The following GRAP2 variants were observed in gnomAD, a reference collection of about 807,000 sequenced individuals.
GRAP2 encodes GRB2-related adapter protein 2.
Under a neutral mutation model 43.5 loss-of-function variants are expected in GRAP2, and 31 were observed. That is an observed-to-expected ratio of 0.71 (90% CI 0.54 to 0.96). The LOEUF is 0.96. Ranked by LOEUF, GRAP2 falls within the 40% of genes least tolerant of loss-of-function variation. The probability of loss-of-function intolerance (pLI) is 0.00; values close to 1 mark genes in which losing one functional copy is unlikely to be tolerated. For missense variants in GRAP2, 371 were observed against 424.4 expected (o/e 0.87, Z 1.11); for synonymous variants, 156 against 164.8 (o/e 0.95, Z 0.41).
intron 4 of GRAP2, chr22:39,964,762 T>C: frequency 2.2e-6 from 1 of 461,174 alleles, no homozygotes; most frequent in Non-Finnish European, 3.8e-6. Context: ...ATCTCTTTAG[T>C]TGTTTTCACT....
At position 39,970,902 on chromosome 22, in the gene GRAP2, C is replaced by A; in HGVS notation, c.814-3C>A. On this transcript the variant is annotated splice_polypyrimidine_tract_variant and splice_region_variant and intron_variant, in intron 7 of 7. Coordinates refer to ENST00000344138, the MANE Select transcript of GRAP2 (RefSeq NM_004810.4). ...AGAGCCTCTTCTGTGCTTCCCCCAA[C>A]AGCGAGTGCGGTGGGCCCGGGCGCT... 1.3e-6 allele frequency: 2 copies of A among 1,596,334 alleles called. No homozygotes were observed. Among genetic ancestry groups the A allele is most frequent in the Non-Finnish European group, 1.7e-6 (2 of 1,171,734 alleles).
chr22:39,935,495 TAGAA>T (rs566945818), intron 1 of GRAP2, among the ~76,000 whole-genome samples: 369 of 152,272 alleles, frequency 2.4e-3, no homozygotes, highest in Admixed American at 4.3e-3. Context: ...AAACTCAAAT[TAGAA>T]AGAACAAAAT....
intron 1 of GRAP2, among the ~76,000 whole-genome samples, chr22:39,940,276 T>G (rs1569204419): frequency 6.6e-6 from 1 of 152,068 alleles, no homozygotes; most frequent in Non-Finnish European, 1.5e-5. Flanking sequence ...AAGCAGGGTG[T>G]CTGCTGGTTT....
At chr22:39,903,475 CT>C (rs773691306) in intron 1 of GRAP2, among the ~76,000 whole-genome samples, 1,624 of 112,040 alleles carry the variant, frequency 0.014, 11 homozygotes, top group African/African-American at 0.042. Context: ...CCTCATGAGT[CT>C]TTTTTTTTTT....
intron 1 of GRAP2, among the ~76,000 whole-genome samples, chr22:39,919,032 C>G (rs1397385201): frequency 3.9e-5 from 6 of 152,154 alleles, no homozygotes; most frequent in Admixed American, 3.3e-4. Flanking sequence ...AATCCCAGCA[C>G]TTTTGGGGCC....
intron 1 of GRAP2, among the ~76,000 whole-genome samples, chr22:39,904,776 A>G (rs1443124132): frequency 1.3e-5 from 2 of 152,206 alleles, no homozygotes; most frequent in Non-Finnish European, 2.9e-5. Context: ...AAATAAGAAC[A>G]TATTTTGCAG....
At chr22:39,947,062 A>G in intron 1 of GRAP2, 31 bp from the exon 2 acceptor site, 1 of 1,268,942 alleles carries the variant, frequency 7.9e-7, no homozygotes, top group Non-Finnish European at 1.2e-6. Context: ...CCTGGCAGAG[A>G]GGCACAATGA....
Position 39,968,263 on chromosome 22 carries a change from T to C in GRAP2, c.681T>C (p.His227=). Residue 227 remains histidine, a synonymous_variant, in exon 6 of 8, where the codon CAT becomes CAC. Transcript: ENST00000344138. ...AGCAGCGATATCTGCAGCACCACCA[T>C]TTCCACCAGGTATCTGGAAAGAAGG... ...PPQQRYLQHH[H]FHQERRGGSL... is the part of the protein sequence containing the mutation. 6.2e-7 allele frequency: 1 copy of C among 1,613,320 alleles called. No homozygotes were observed. Among genetic ancestry groups the C allele is most frequent in the Non-Finnish European group, 8.5e-7 (1 of 1,179,418 alleles).
In GRAP2 at chr22:39,969,538, G is replaced by C; in HGVS notation, c.813+5G>C. The C allele has an allele frequency of 1.9e-6, 3 of 1,613,630 alleles. No individual in the cohort carries two copies. Among genetic ancestry groups the C allele is most frequent in the South Asian group, 2.2e-5 (2 of 91,046 alleles). On this transcript the variant is annotated splice_donor_5th_base_variant and intron_variant, in intron 7 of 7. Coordinates refer to ENST00000344138, the MANE Select transcript of GRAP2 (RefSeq NM_004810.4). ...GTGCAGCTCCAGGCGGCAGGGGTAT[G>C]GGAACTGTCCTTCTCTGGGATCCCT...
chr22:39,926,483 A>AG, intron 1 of GRAP2: 3 of 457,090 alleles, frequency 6.6e-6, no homozygotes, highest in South Asian at 1.9e-4. Context: ...GCCCAACAAA[A>AG]GAAAAAAAAA....
chr22:39,934,961 T>G (rs2066791879), intron 1 of GRAP2, among the ~76,000 whole-genome samples: 1 of 152,200 alleles, frequency 6.6e-6, no homozygotes, highest in South Asian at 2.1e-4. Flanking sequence ...ATCATCCTAT[T>G]CTACTCAGCC....
At chr22:39,939,714 G>T in intron 1 of GRAP2, among the ~76,000 whole-genome samples, 1 of 151,972 alleles carries the variant, frequency 6.6e-6, no homozygotes, top group Non-Finnish European at 1.5e-5. Flanking sequence ...TTCAAGACCA[G>T]CCTGGCCAGC....
intron 1 of GRAP2, among the ~76,000 whole-genome samples, chr22:39,916,825 C>T (rs1262774584): frequency 6.6e-6 from 1 of 151,986 alleles, no homozygotes; most frequent in African/African-American, 2.4e-5. Context: ...TAATACTTTA[C>T]CTTTAGTGGA....
At chr22:39,908,364 G>A (rs760561744) in intron 1 of GRAP2, among the ~76,000 whole-genome samples, 18 of 152,126 alleles carry the variant, frequency 1.2e-4, no homozygotes, top group Non-Finnish European at 2.4e-4. Flanking sequence ...CTCACTTGCT[G>A]CAGGGCTGAC....
rs767798258 is a variant in GRAP2, at chr22:39,960,149, C to T, written c.265C>T (p.Pro89Ser). The T allele has an allele frequency of 6.4e-5, 103 of 1,613,578 alleles. No homozygotes were observed. Among genetic ancestry groups the T allele is most frequent in the Non-Finnish European group, 8.0e-5 (94 of 1,179,570 alleles). ...CATCATCCGGGCCAGCCAGAGCTCC[C>T]CAGGGGACTTCTCCATCTCTGTCAG... is the stretch of plus-strand genomic sequence containing the variant. ...FFIIRASQSS[P>S]GDFSISVRHE... Residue 89 changes from proline (P) to serine (S), a missense_variant, in exon 4 of 8, where the codon CCA (proline) becomes TCA (serine). Physicochemically the swap from Pro to Ser is moderately conservative, Grantham distance 74. Coordinates refer to ENST00000344138, the MANE Select transcript of GRAP2 (RefSeq NM_004810.4).
intron 1 of GRAP2, among the ~76,000 whole-genome samples, chr22:39,906,601 C>T (rs2066525146): frequency 6.6e-6 from 1 of 152,140 alleles, no homozygotes; most frequent in Admixed American, 6.5e-5. Flanking sequence ...CCAACACAGT[C>T]ATTGCCAAAT....
chr22:39,905,910 C>T lies in GRAP2; in HGVS notation c.-15+4580C>T, dbSNP rs927677437. ...CTCAGACTTGAAGTTATTGAAAATC[C>T]GGGAGGTTGCCACCCAAACACATTT... On this transcript the variant is annotated intron_variant, in intron 1 of 7. Transcript: ENST00000344138. Among the ~76,000 whole-genome samples the T allele has an allele frequency of 1.5e-4, 23 of 152,116 alleles. 1 individual carries two copies. The highest frequency in any genetic ancestry group is 1.0e-4 in the Non-Finnish European group (7 of 68,034).
rs185114793 is a variant in GRAP2 at position 39,901,548 on chromosome 22, C to T, written c.-15+218C>T. On this transcript the variant is annotated intron_variant, in intron 1 of 7. Transcript: ENST00000344138. ...CAAATGAACTGGGAGAACACTTGTT[C>T]CTTACCCAGTCCATAACACAAAAAT... 6.5e-3 allele frequency among the ~76,000 whole-genome samples: 992 copies of T among 152,278 alleles called. 10 individuals carry two copies. Among genetic ancestry groups the T allele is most frequent in the African/African-American group, 0.023 (948 of 41,544 alleles).
At position 39,971,123 on chromosome 22, in the gene GRAP2, C is replaced by G; in HGVS notation, c.*39C>G. On this transcript the variant is annotated 3_prime_UTR_variant, in exon 8 of 8. Transcript: ENST00000344138. The stretch of plus-strand genomic sequence containing the variant: ...CAGAAGCTTTTTGTCTGGAGCTGCC[C>G]ACAAGAAAGAGGGCAAGGAAAAAAG... The G allele has an allele frequency of 6.6e-7, 1 of 1,515,890 alleles. No individual in the cohort carries two copies. The highest frequency in any genetic ancestry group is 2.3e-5 in the East Asian group (1 of 44,222). 93.9% of individuals were successfully genotyped at this position (1,515,890 alleles called of 1,614,324 possible).
Sources: allele counts gnomAD v4.1 joint callset (sites outside exome capture counted in the v4.1 genomes callset), GRCh38; gene constraint gnomAD v4.1.1; transcripts MANE v1.5; gene names NCBI Gene and HGNC (gene_info 2026-07-23, HGNC 2026-07-21).